TMEM132D: variants seen among roughly 807,000 people sequenced by gnomAD.
TMEM132D encodes transmembrane protein 132D, also known as mature OL transmembrane protein.
TMEM132D carries 21 observed loss-of-function variants against 62.3 expected under a neutral mutation model. The observed-to-expected ratio is 0.34, with a 90% CI of 0.24 to 0.49. The LOEUF (loss-of-function observed/expected upper bound fraction) is 0.49, where lower values mean the gene tolerates loss of function less well. TMEM132D is among the 20% of genes least tolerant of loss of function. TMEM132D has a pLI of 0.99. For synonymous variants in TMEM132D, 621 were observed against 575.6 expected, an observed-to-expected ratio of 1.08 and a Z score of -1.13; for missense variants, 1,346 against 1,402.8, an observed-to-expected ratio of 0.96 and a Z score of 0.65.
At chr12:129,125,327 A>G (rs1420760427) in intron 5 of TMEM132D, among the ~76,000 whole-genome samples, 1 of 152,222 alleles carries the variant, frequency 6.6e-6, no homozygotes, top group Admixed American at 6.5e-5. Flanking sequence ...GAATTTCACC[A>G]GAATTGGTTC....
intron 5 of TMEM132D, among the ~76,000 whole-genome samples, chr12:129,138,791 A>G (rs1876658007): frequency 6.6e-6 from 1 of 152,224 alleles, no homozygotes; most frequent in African/African-American, 2.4e-5. Flanking sequence ...AAACAAGCTG[A>G]CAAATAGGAT....
At chr12:129,782,886 T>C (rs1871159799) in intron 1 of TMEM132D, among the ~76,000 whole-genome samples, 3 of 152,232 alleles carry the variant, frequency 2.0e-5, no homozygotes, top group Admixed American at 2.0e-4. Context: ...TTAACACTTT[T>C]TTTCCTTCTC....
chr12:129,188,759 GAGGGAGAGAGAGAGA>G (rs1878293417), intron 5 of TMEM132D, among the ~76,000 whole-genome samples: 2 of 58,280 alleles, frequency 3.4e-5, no homozygotes, highest in Admixed American at 5.1e-4. Context: ...GGGAGGGAGA[GAGGGAGAGAGAGAGA>G]GAGAGAGAGA....
intron 2 of TMEM132D, among the ~76,000 whole-genome samples, chr12:129,694,680 C>T (rs961417776): frequency 1.3e-5 from 2 of 152,160 alleles, no homozygotes; most frequent in Non-Finnish European, 2.9e-5. Flanking sequence ...ACCTCACTTC[C>T]GGTTTCTGTA....
intron 3 of TMEM132D, among the ~76,000 whole-genome samples, chr12:129,429,086 A>C (rs1263017017): frequency 1.3e-5 from 2 of 151,558 alleles, no homozygotes; most frequent in African/African-American, 4.9e-5. Flanking sequence ...CCTTCAAGTT[A>C]CTCACTGTAG....
intron 1 of TMEM132D, among the ~76,000 whole-genome samples, chr12:129,719,583 G>A (rs1186998157): frequency 1.3e-5 from 2 of 152,214 alleles, no homozygotes; most frequent in African/African-American, 4.8e-5. Flanking sequence ...CTGGCCTTGA[G>A]AAATGGCCAA....
intron 1 of TMEM132D, among the ~76,000 whole-genome samples, chr12:129,777,124 TGA>T (rs1870965274): frequency 1.3e-5 from 2 of 152,198 alleles, no homozygotes; most frequent in Non-Finnish European, 2.9e-5. Context: ...GTGCCACTTG[TGA>T]TGTTTGTTAC....
At chr12:129,506,374 G>C (rs1015945290) in intron 3 of TMEM132D, among the ~76,000 whole-genome samples, 1 of 151,984 alleles carries the variant, frequency 6.6e-6, no homozygotes, top group African/African-American at 2.4e-5. Context: ...AATGTATATG[G>C]AACCAAAAAA....
At chr12:129,863,793 G>A (rs758719977) in intron 1 of TMEM132D, among the ~76,000 whole-genome samples, 1 of 151,216 alleles carries the variant, frequency 6.6e-6, no homozygotes, top group South Asian at 2.1e-4. Flanking sequence ...TTGTTTTTTT[G>A]GGGGGGGCAG....
At chr12:129,738,976 C>A (rs889919445) in intron 1 of TMEM132D, among the ~76,000 whole-genome samples, 3 of 152,274 alleles carry the variant, frequency 2.0e-5, no homozygotes, top group East Asian at 3.9e-4. Context: ...TTACTTGGAA[C>A]AGAAACTCTC....
intron 3 of TMEM132D, among the ~76,000 whole-genome samples, chr12:129,353,891 G>A (rs567989374): frequency 6.8e-4 from 103 of 152,018 alleles, no homozygotes; most frequent in Non-Finnish European, 1.3e-3. Flanking sequence ...GGCATCTCTC[G>A]GAGGTCTAAT....
chr12:129,487,571 T>G (rs1311896408), intron 3 of TMEM132D, among the ~76,000 whole-genome samples: 1 of 151,988 alleles, frequency 6.6e-6, no homozygotes, highest in African/African-American at 2.4e-5. Flanking sequence ...ATGAGGCCCC[T>G]CCAAAGTCAG....
chr12:129,867,756 T>G lies in TMEM132D; in HGVS notation c.79+35505A>C, dbSNP rs777240942. ...AGATACAATTTTTGTCAATTTTACC[T>G]CAATAAAGCTTAAAAGCTAAAATAA... On this transcript the variant is annotated intron_variant, in intron 1 of 8. Transcript: ENST00000422113. This position sits in a 1 kb window ranked among gnomAD's most constrained non-coding sequence, Gnocchi z 4.5. Among the ~76,000 whole-genome samples, 5 of 152,164 alleles carry G rather than the reference T, an allele frequency of 3.3e-5. No individual in the cohort carries two copies. The highest frequency in any genetic ancestry group is 7.3e-5 in the Non-Finnish European group (5 of 68,036).
chr12:129,396,384 G>T (rs1251022198), intron 3 of TMEM132D, among the ~76,000 whole-genome samples: 1 of 152,172 alleles, frequency 6.6e-6, no homozygotes, highest in Non-Finnish European at 1.5e-5. Flanking sequence ...CTACAGTCAC[G>T]TGGTTAGGGG....
chr12:129,815,062 C>A lies in TMEM132D; in HGVS notation c.79+88199G>T, dbSNP rs115007823. Among the ~76,000 whole-genome samples, 1,356 of 152,256 alleles carry A rather than the reference C, an allele frequency of 8.9e-3. 18 individuals are homozygous for A. The highest frequency in any genetic ancestry group is 0.031 in the African/African-American group (1,293 of 41,546). On this transcript the variant is annotated intron_variant, in intron 1 of 8. Coordinates refer to ENST00000422113, the MANE Select transcript of TMEM132D (RefSeq NM_133448.3). ...GCTTAAGAGCTCCCTGAGATTGGAG[C>A]CTTTTCCTGGAACGTATTAGATGCT...
At chr12:129,384,117 G>A (rs112837297) in intron 3 of TMEM132D, among the ~76,000 whole-genome samples, 2 of 152,164 alleles carry the variant, frequency 1.3e-5, no homozygotes, top group African/African-American at 2.4e-5. Context: ...TGCTCATCAC[G>A]AGCAAAGAGA....
Position 129,903,410 on chromosome 12 carries a change from C to T in TMEM132D, c.-71G>A. 6.7e-7 allele frequency: 1 copy of T among 1,486,180 alleles called. No homozygotes were observed. Among genetic ancestry groups the T allele is most frequent in the Non-Finnish European group, 9.2e-7 (1 of 1,091,404 alleles). The allele number at this position is 1,486,180 out of a possible 1,614,324, so 92.1% of individuals were successfully genotyped here. A position where few individuals can be genotyped will look rare whatever the true frequency, so the allele number is the denominator to read the frequency against. The stretch of plus-strand genomic sequence containing the variant: ...GGCGAACAAGAGACCGTCTCAGTCC[C>T]CTAGAGGCCCGCAGCGGGGCCGGTG... On this transcript the variant is annotated 5_prime_UTR_variant, in exon 1 of 9. Transcript: ENST00000422113. This position sits in a 1 kb window ranked among gnomAD's most constrained non-coding sequence, Gnocchi z 6.2.
At chr12:129,380,213 T>C (rs2135686413) in intron 3 of TMEM132D, among the ~76,000 whole-genome samples, 1 of 152,270 alleles carries the variant, frequency 6.6e-6, no homozygotes, top group South Asian at 2.1e-4. Context: ...CCTTAAAAAC[T>C]TATACAAATG....
intron 5 of TMEM132D, among the ~76,000 whole-genome samples, chr12:129,116,744 A>G (rs56217633): frequency 0.17 from 25,706 of 151,884 alleles, 2,574 homozygotes; most frequent in Non-Finnish European, 0.23. Flanking sequence ...ACAACACAAA[A>G]TGCTGCTGAG....
Sources: allele counts gnomAD v4.1 joint callset (sites outside exome capture counted in the v4.1 genomes callset), GRCh38; gene constraint gnomAD v4.1.1; non-coding constraint Gnocchi (gnomAD v3.1); transcripts MANE v1.5; gene names NCBI Gene and HGNC (gene_info 2026-07-23, HGNC 2026-07-21).